C11orf65: variants seen among roughly 807,000 people sequenced by gnomAD.
C11orf65 encodes chromosome 11 open reading frame 65.
Under a neutral mutation model 35.3 loss-of-function variants are expected in C11orf65, and 38 were observed. That is an observed-to-expected ratio of 1.08 (90% CI 0.83 to 1.41). The LOEUF is 1.41. C11orf65 is among the 40% of genes most tolerant of loss of function. C11orf65 has a pLI of 0.00. For synonymous variants in C11orf65, 105 were observed against 114.4 expected (o/e 0.92, Z 0.53); for missense variants, 370 against 367.1 (o/e 1.01, Z -0.06).
intron 2 of C11orf65, among the ~76,000 whole-genome samples, chr11:108,342,646 G>T (rs867403708): frequency 6.6e-6 from 1 of 151,874 alleles, no homozygotes; most frequent in African/African-American, 2.4e-5. Flanking sequence ...GGATAAAAGG[G>T]TATCTGTTAA....
intron 6 of C11orf65, among the ~76,000 whole-genome samples, chr11:108,310,783 AATT>A (rs2084089000): frequency 6.6e-6 from 1 of 152,104 alleles, no homozygotes. Flanking sequence ...TTCTGTGACT[AATT>A]AAGTTTCATT....
intron 2 of C11orf65, among the ~76,000 whole-genome samples, chr11:108,447,471 T>C (rs1192070220): frequency 6.6e-6 from 1 of 152,004 alleles, no homozygotes; most frequent in Non-Finnish European, 1.5e-5. Context: ...GAACTCAGGA[T>C]TAAGAATCTC....
chr11:108,460,953 G>A (rs1025389078), intron 2 of C11orf65, among the ~76,000 whole-genome samples: 4 of 151,958 alleles, frequency 2.6e-5, no homozygotes, highest in East Asian at 1.9e-4. Flanking sequence ...TCAAACTCCC[G>A]ACCTCAGATG....
chr11:108,402,214 T>G (rs938877940), intron 6 of C11orf65, among the ~76,000 whole-genome samples: 1 of 152,158 alleles, frequency 6.6e-6, no homozygotes, highest in African/African-American at 2.4e-5. Context: ...GCCAGTGCAG[T>G]CACTGAAAGG....
In C11orf65 at chr11:108,326,232, T is replaced by A. The variant is rs754834282; in HGVS notation, c.641-17161A>T. ...GGATGCCAGCTGTGCAGCGGTTTGT[T>A]TTTTTTATTGGCTGGATTAGTGTTT... is the stretch of plus-strand genomic sequence containing the variant. On this transcript the variant is annotated intron_variant, in intron 6 of 6. Transcript: ENST00000525729. 2.0e-5 allele frequency: 33 copies of A among 1,614,006 alleles called. No individual in the cohort carries two copies. The highest frequency in any genetic ancestry group is 2.8e-5 in the Non-Finnish European group (33 of 1,180,010).
intron 2 of C11orf65, among the ~76,000 whole-genome samples, chr11:108,370,736 T>TTGA (rs1363451209): frequency 6.6e-6 from 1 of 152,136 alleles, no homozygotes. Context: ...TCTGCATTTA[T>TTGA]TGATGATGAT....
chr11:108,382,599 A>C (rs1301590095), downstream of C11orf65, among the ~76,000 whole-genome samples: 1 of 152,184 alleles, frequency 6.6e-6, no homozygotes, highest in Non-Finnish European at 1.5e-5. Flanking sequence ...AGGTTCAGTG[A>C]AGAAAAAAAT....
chr11:108,444,612 T>G (rs540469268), intron 2 of C11orf65, among the ~76,000 whole-genome samples: 1 of 152,198 alleles, frequency 6.6e-6, no homozygotes, highest in East Asian at 1.9e-4. Context: ...TCAAAAAGCT[T>G]ATCCACAGGG....
At chr11:108,349,870 C>T (rs1461529911) in intron 2 of C11orf65, among the ~76,000 whole-genome samples, 1 of 152,112 alleles carries the variant, frequency 6.6e-6, no homozygotes, top group Non-Finnish European at 1.5e-5. Context: ...AGTCTGATAG[C>T]ATTGGCTTTA....
rs527982820 is a variant in C11orf65, at chr11:108,449,786, G to T, written c.81+11693C>A. Among the ~76,000 whole-genome samples, 172 of 152,068 alleles carry T rather than the reference G, an allele frequency of 1.1e-3. 4 individuals carry two copies. Among genetic ancestry groups the T allele is most frequent in the African/African-American group, 3.6e-3 (148 of 41,366 alleles). ...GCAACAAAAGCCAAAATTGACAAAT[G>T]GGATCTAATTAAACTTAAGAGCTTC... On this transcript the variant is annotated intron_variant, in intron 2 of 8. Transcript: ENST00000393084.
In C11orf65 at chr11:108,393,282, A is replaced by G; in HGVS notation, c.657T>C (p.Asp219=). The G allele has an allele frequency of 1.9e-6, 3 of 1,614,034 alleles. No individual in the cohort carries two copies. The highest frequency in any genetic ancestry group is 2.5e-6 in the Non-Finnish European group (3 of 1,179,974). ...ATKGLIRAFE[D]GGIDSVMEWE... ...ATTCCATCACAGAATCTATCCCCCCATCTTCAAAAGCTCTAATCAGCCCCT... is the reference window on the plus strand; with the variant it reads ...ATTCCATCACAGAATCTATCCCCCCGTCTTCAAAAGCTCTAATCAGCCCCT... The change falls in exon 7 of 9, where the codon GAT becomes GAC. Residue 219 remains aspartate, a synonymous_variant. Transcript: ENST00000393084.
intron 2 of C11orf65, among the ~76,000 whole-genome samples, chr11:108,446,409 G>A (rs1288359994): frequency 5.3e-5 from 8 of 151,722 alleles, no homozygotes; most frequent in East Asian, 1.9e-4. Flanking sequence ...ACAAAGGGAA[G>A]CCCATCAGAC....
chr11:108,387,522 C>A (rs1329991000), intron 7 of C11orf65, among the ~76,000 whole-genome samples: 3 of 152,094 alleles, frequency 2.0e-5, no homozygotes, highest in African/African-American at 4.8e-5. Context: ...ATACTTCCAA[C>A]AGTATTTAAT....
chr11:108,425,869 T>G (rs548095868), intron 3 of C11orf65, among the ~76,000 whole-genome samples: 5 of 152,064 alleles, frequency 3.3e-5, no homozygotes, highest in Non-Finnish European at 7.4e-5. Context: ...ATGTAATCCA[T>G]CACATAAAAA....
downstream of C11orf65, chr11:108,327,274 AC>A: frequency 7.2e-6 from 2 of 276,492 alleles, no homozygotes; most frequent in South Asian, 8.0e-5. Flanking sequence ...GTCTGGAGTT[AC>A]CCAACTTCCT....
chr11:108,421,475 G>A (rs893922716), intron 3 of C11orf65, among the ~76,000 whole-genome samples: 1 of 152,140 alleles, frequency 6.6e-6, no homozygotes, highest in African/African-American at 2.4e-5. Context: ...GACCAACATG[G>A]TGAAACCCTG....
chr11:108,390,192 A>C (rs1304499917), intron 7 of C11orf65, among the ~76,000 whole-genome samples: 1 of 147,380 alleles, frequency 6.8e-6, no homozygotes, highest in Non-Finnish European at 1.5e-5. Flanking sequence ...TGGTGGGTTA[A>C]TTTTTGTATT....
chr11:108,382,455 G>A (rs2091884542), downstream of C11orf65, among the ~76,000 whole-genome samples: 1 of 152,034 alleles, frequency 6.6e-6, no homozygotes, highest in African/African-American at 2.4e-5. Flanking sequence ...TGTAAACAAG[G>A]AAAGATAACA....
At chr11:108,409,941 G>C (rs2092625208) in intron 3 of C11orf65, among the ~76,000 whole-genome samples, 1 of 152,094 alleles carries the variant, frequency 6.6e-6, no homozygotes, top group Non-Finnish European at 1.5e-5. Context: ...ACCGGTCCCT[G>C]GCACCAAAAA....
Sources: gnomAD v4.1 joint callset for allele counts (sites outside exome capture counted in the v4.1 genomes callset) on GRCh38, gnomAD v4.1.1 for gene constraint, MANE v1.5 for transcripts, NCBI Gene and HGNC (gene_info 2026-07-23, HGNC 2026-07-21) for gene names.